The following GNG7 variants were observed in gnomAD, a reference collection of about 807,000 sequenced individuals.
The protein encoded by GNG7 is guanine nucleotide-binding protein G(I)/G(S)/G(O) subunit gamma-7.
Under a neutral mutation model 4.0 loss-of-function variants are expected in GNG7, and 1 was observed. That is an observed-to-expected ratio of 0.25 (90% CI 0.09 to 1.18). The LOEUF (loss-of-function observed/expected upper bound fraction) is 1.18, where lower values mean the gene tolerates loss of function less well. Ranked by LOEUF, GNG7 falls within the 50% of genes most tolerant of loss-of-function variation. The pLI is 0.50. For synonymous variants in GNG7, 34 were observed against 36.9 expected (o/e 0.92, Z 0.29); for missense variants, 86 against 91.9 (o/e 0.94, Z 0.26).
intron 1 of GNG7, among the ~76,000 whole-genome samples, chr19:2,675,700 G>C (rs1983576759): frequency 6.6e-6 from 1 of 152,108 alleles, no homozygotes; most frequent in Non-Finnish European, 1.5e-5. Flanking sequence ...AATGGGGCGG[G>C]GGAGGTCTGA....
chr19:2,604,378 A>C (rs975530742), intron 2 of GNG7, among the ~76,000 whole-genome samples: 2 of 151,474 alleles, frequency 1.3e-5, no homozygotes, highest in African/African-American at 4.8e-5. Context: ...AGGCTGAAGC[A>C]GGAGGATGGC....
rs1981494311 is a variant in GNG7, at chr19:2,609,474, G to T, written c.-78+36750C>A. Among the ~76,000 whole-genome samples, 4 of 152,146 alleles carry T rather than the reference G, an allele frequency of 2.6e-5. No individual in the cohort carries two copies. Among genetic ancestry groups the T allele is most frequent in the African/African-American group, 9.7e-5 (4 of 41,430 alleles). ...GAGCCGACAGGTCCGGGTAACAACT[G>T]CAGTTTAGCCGCTCACTTGCTGGAG... On this transcript the variant is annotated intron_variant, in intron 2 of 4. Coordinates refer to ENST00000382159, the MANE Select transcript of GNG7 (RefSeq NM_052847.3). The surrounding 1 kb of genome is among the most constrained non-coding windows in gnomAD (Gnocchi z 4.4).
intron 3 of GNG7, among the ~76,000 whole-genome samples, chr19:2,527,802 T>G (rs1978458046): frequency 6.9e-6 from 1 of 145,446 alleles, no homozygotes; most frequent in Non-Finnish European, 1.5e-5. Context: ...GCGCCCACAG[T>G]CATGACCAGC....
intron 2 of GNG7, among the ~76,000 whole-genome samples, chr19:2,638,057 T>C (rs1982363553): frequency 1.3e-5 from 2 of 152,084 alleles, no homozygotes; most frequent in African/African-American, 2.4e-5. Flanking sequence ...GAGCAGGGAC[T>C]GAAGTCAGTT....
chr19:2,531,770 CAAAAAA>C (rs57772201), intron 3 of GNG7, among the ~76,000 whole-genome samples: 2,380 of 128,316 alleles, frequency 0.019, 54 homozygotes, highest in African/African-American at 0.062. Context: ...GACTCCGTCC[CAAAAAA>C]AAAAAAAAAT....
Position 2,653,665 on chromosome 19 carries a change from G to C in GNG7, c.-134-7385C>G, listed in dbSNP as rs1982887970. Among the ~76,000 whole-genome samples the C allele has an allele frequency of 6.6e-6, 1 of 152,160 alleles. No individual in the cohort carries two copies. Among genetic ancestry groups the C allele is most frequent in the Admixed American group, 6.5e-5 (1 of 15,286 alleles). Reference sequence around the variant, plus strand: ...TGCGGGGAGCTGAGCAGCGTCCCTGGCCTCCACCCACCCCATGCCAGGGGC... The same window carrying C: ...TGCGGGGAGCTGAGCAGCGTCCCTGCCCTCCACCCACCCCATGCCAGGGGC... On this transcript the variant is annotated intron_variant, in intron 1 of 4. Coordinates refer to ENST00000382159, the MANE Select transcript of GNG7 (RefSeq NM_052847.3). This position sits in a 1 kb window ranked among gnomAD's most constrained non-coding sequence, Gnocchi z 4.8.
intron 2 of GNG7, chr19:2,632,512 GCA>G (rs969305177): frequency 8.6e-6 from 1 of 116,806 alleles, no homozygotes; most frequent in African/African-American, 3.3e-5. Context: ...ACACACACAC[GCA>G]CACAGAAAAC....
At chr19:2,702,395 T>A (rs2144667413) in intron 1 of GNG7, among the ~76,000 whole-genome samples, 2 of 36,254 alleles carry the variant, frequency 5.5e-5, no homozygotes, top group South Asian at 8.1e-4. Flanking sequence ...CAGCTAGCCC[T>A]GAGCCCCAAG....
chr19:2,517,528 G>C (rs931687221), intron 4 of GNG7, among the ~76,000 whole-genome samples: 1 of 151,872 alleles, frequency 6.6e-6, no homozygotes, highest in Non-Finnish European at 1.5e-5. Flanking sequence ...CCACGCCAGG[G>C]TAATTTTTGT....
intron 1 of GNG7, among the ~76,000 whole-genome samples, chr19:2,665,151 G>A (rs149714192): frequency 0.013 from 1,936 of 152,308 alleles, 26 homozygotes; most frequent in Middle Eastern, 0.078. Context: ...TGGTGAGCAG[G>A]AAGCAGACTC....
intron 2 of GNG7, among the ~76,000 whole-genome samples, chr19:2,613,152 G>T (rs904693150): frequency 1.4e-5 from 2 of 142,554 alleles, no homozygotes; most frequent in Non-Finnish European, 2.9e-5. Flanking sequence ...AATTTCTGAT[G>T]CAAGTTTAAC....
chr19:2,669,431 A>G (rs1983393978), intron 1 of GNG7, among the ~76,000 whole-genome samples: 1 of 152,224 alleles, frequency 6.6e-6, no homozygotes, highest in African/African-American at 2.4e-5. Context: ...CAGAGGTTGC[A>G]GTGAGCCGGG....
intron 4 of GNG7, 116 bp downstream of exon 4, chr19:2,520,492 C>A: frequency 1.6e-6 from 1 of 632,006 alleles, no homozygotes; most frequent in Non-Finnish European, 2.9e-6. Context: ...CAAGGTCACA[C>A]AGCAAGAGAC....
At chr19:2,610,194 C>T (rs1009697896) in intron 2 of GNG7, 3 of 151,480 alleles carry the variant, frequency 2.0e-5, no homozygotes, top group Admixed American at 2.0e-4. Flanking sequence ...AGGGTCTCAC[C>T]CTGTCGCCCA....
At chr19:2,597,386 C>T (rs189809500) in intron 2 of GNG7, among the ~76,000 whole-genome samples, 7 of 152,060 alleles carry the variant, frequency 4.6e-5, no homozygotes, top group Non-Finnish European at 8.8e-5. Flanking sequence ...CACCTAAGGT[C>T]AGGAGTTTGA....
At chr19:2,525,970 A>ATTTTTT (rs1568231777) in intron 3 of GNG7, among the ~76,000 whole-genome samples, 5 of 26,780 alleles carry the variant, frequency 1.9e-4, no homozygotes, top group African/African-American at 1.5e-3. Context: ...CCTCCACGCC[A>ATTTTTT]ATTTTTTTTT....
rs886181905 is a variant in GNG7 at position 2,578,587 on chromosome 19, C to G, written c.-77-23399G>C. ...GGCAGCCACAGGTTTCATCGCTAAC[C>G]AGGCCGGAGAAGCTGGGCAGAAAAG... On this transcript the variant is annotated intron_variant, in intron 2 of 4. Transcript: ENST00000382159. Among the ~76,000 whole-genome samples, 81 of 152,320 alleles carry G rather than the reference C, an allele frequency of 5.3e-4. 1 individual carries two copies. The highest frequency in any genetic ancestry group is 1.9e-3 in the African/African-American group (77 of 41,580).
At chr19:2,515,284 G>T in intron 4 of GNG7, 137 bp from the exon 5 acceptor site, 1 of 1,014,630 alleles carries the variant, frequency 9.9e-7, no homozygotes, top group South Asian at 1.6e-5. Context: ...GGCAAACAGT[G>T]CGGCCCGTCC....
rs1329885467 is a variant in GNG7 at position 2,626,885 on chromosome 19, A to G, written c.-78+19339T>C. Among the ~76,000 whole-genome samples the G allele has an allele frequency of 2.0e-5, 3 of 151,766 alleles. No homozygotes were observed. The highest frequency in any genetic ancestry group is 4.4e-5 in the Non-Finnish European group (3 of 67,936). ...GCAGTGCCCAGGACGGCCTCACCCC[A>G]GAGAACAGTCCAGTGTCAGTGTCCA... is the stretch of plus-strand genomic sequence containing the variant. On this transcript the variant is annotated intron_variant, in intron 2 of 4. Coordinates refer to ENST00000382159, the MANE Select transcript of GNG7 (RefSeq NM_052847.3). This position sits in a 1 kb window ranked among gnomAD's most constrained non-coding sequence, Gnocchi z 5.0.
Sources: allele counts gnomAD v4.1 joint callset (sites outside exome capture counted in the v4.1 genomes callset), GRCh38; gene constraint gnomAD v4.1.1; non-coding constraint Gnocchi (gnomAD v3.1); transcripts MANE v1.5; gene names NCBI Gene and HGNC (gene_info 2026-07-23, HGNC 2026-07-21).